The following GSKIP variants were observed in gnomAD, a reference collection of about 807,000 sequenced individuals.
The protein encoded by GSKIP is GSK3B interacting protein.
Under a neutral mutation model 11.9 loss-of-function variants are expected in GSKIP, and 5 were observed. That is an observed-to-expected ratio of 0.42 (90% CI 0.22 to 0.89). The LOEUF (loss-of-function observed/expected upper bound fraction) is 0.89, where lower values mean the gene tolerates loss of function less well. GSKIP is among the 40% of genes least tolerant of loss of function. The pLI, the probability that GSKIP is intolerant of heterozygous loss-of-function variation, is 0.29. For missense variants in GSKIP, 150 were observed against 166.6 expected, an observed-to-expected ratio of 0.90 and a Z score of 0.55; for synonymous variants, 70 against 62.9, an observed-to-expected ratio of 1.11 and a Z score of -0.54.
intron 1 of GSKIP, among the ~76,000 whole-genome samples, chr14:96,370,671 C>T (rs1475557903): frequency 6.6e-6 from 1 of 152,150 alleles, no homozygotes; most frequent in African/African-American, 2.4e-5. Context: ...TCTATCTCCC[C>T]CACCTCCACC....
rs1889488173 is a variant in GSKIP at position 96,386,275 on chromosome 14, A to G, written c.*591A>G. The G allele has an allele frequency of 6.6e-6, 1 of 152,544 alleles. No individual in the cohort carries two copies. Among genetic ancestry groups the G allele is most frequent in the African/African-American group, 2.4e-5 (1 of 41,476 alleles). The allele number at this position is 152,544 out of a possible 1,614,324, so 9.4% of individuals were successfully genotyped here. A position where few individuals can be genotyped will look rare whatever the true frequency, so the allele number is the denominator to read the frequency against. The stretch of plus-strand genomic sequence containing the variant: ...ACTTAACTAGTATTAAATGAAAAAC[A>G]GGGACTGAAATAGTTCTGTATTCCG... On this transcript the variant is annotated 3_prime_UTR_variant, in exon 4 of 4. Coordinates refer to ENST00000555181, the MANE Select transcript of GSKIP (RefSeq NM_016472.5).
intron 1 of GSKIP, chr14:96,364,097 C>T (rs969509545): frequency 1.3e-5 from 2 of 152,334 alleles, no homozygotes; most frequent in Admixed American, 6.5e-5. Context: ...AGGCTCCTGA[C>T]CCCGCCGGAA....
Position 96,382,899 on chromosome 14 carries a change from A to G in GSKIP, c.258+394A>G, listed in dbSNP as rs751234174. ...AATGTCGCTTCTGTTAAAATAACATACTTGACAACACTGTTTTCCAACTCT... is the reference window on the plus strand; with the variant it reads ...AATGTCGCTTCTGTTAAAATAACATGCTTGACAACACTGTTTTCCAACTCT... On this transcript the variant is annotated intron_variant, in intron 3 of 3. Coordinates refer to ENST00000555181, the MANE Select transcript of GSKIP (RefSeq NM_016472.5). 2.0e-5 allele frequency among the ~76,000 whole-genome samples: 3 copies of G among 152,204 alleles called. No individual in the cohort carries two copies. The East Asian group carries it at 5.8e-4, about 29-fold the overall frequency.
At chr14:96,381,770 C>T (rs1381689138) in intron 2 of GSKIP, among the ~76,000 whole-genome samples, 1 of 152,102 alleles carries the variant, frequency 6.6e-6, no homozygotes, top group Non-Finnish European at 1.5e-5. Flanking sequence ...AGTACAGTCC[C>T]TCATATTCTA....
chr14:96,387,115 AACGAAG>A lies in GSKIP; in HGVS notation c.*1432_*1437del, dbSNP rs1889511105. On this transcript the variant is annotated 3_prime_UTR_variant, in exon 4 of 4. Transcript: ENST00000555181. ...TTTATTTTCAGATGCTTAACTGGGC[AACGAAG>A]TCTAACTTCAGGTTGAACTTTCTCA... 6.6e-6 allele frequency: 1 copy of A among 152,238 alleles called. No individual in the cohort carries two copies. Among genetic ancestry groups the A allele is most frequent in the Non-Finnish European group, 1.5e-5 (1 of 68,042 alleles). 9.4% of individuals were successfully genotyped at this position (152,238 alleles called of 1,614,324 possible).
chr14:96,379,322 G>A (rs55838659), intron 1 of GSKIP, among the ~76,000 whole-genome samples: 1 of 152,014 alleles, frequency 6.6e-6, no homozygotes, highest in African/African-American at 2.4e-5. Context: ...AAAGTGACCA[G>A]GAAGAATTTC....
intron 3 of GSKIP, among the ~76,000 whole-genome samples, chr14:96,383,213 C>T (rs560834775): frequency 6.6e-6 from 1 of 152,178 alleles, no homozygotes; most frequent in South Asian, 2.1e-4. Flanking sequence ...AGTTCAAGAC[C>T]AGCCTGGGCA....
chr14:96,382,923 C>G (rs910363205), intron 3 of GSKIP, among the ~76,000 whole-genome samples: 1 of 152,202 alleles, frequency 6.6e-6, no homozygotes, highest in South Asian at 2.1e-4. Flanking sequence ...TTTTCCAACT[C>G]TGAGATCAGA....
intron 1 of GSKIP, among the ~76,000 whole-genome samples, chr14:96,376,474 C>T (rs1163682596): frequency 1.3e-5 from 2 of 152,134 alleles, no homozygotes; most frequent in Non-Finnish European, 2.9e-5. Context: ...CTAACCATTA[C>T]GTCATAGATT....
chr14:96,383,235 C>T (rs1889398200), intron 3 of GSKIP, among the ~76,000 whole-genome samples: 1 of 152,066 alleles, frequency 6.6e-6, no homozygotes, highest in Non-Finnish European at 1.5e-5. Context: ...CATAGCAAGA[C>T]CGTGTTTCTA....
rs34610576 is a variant in GSKIP, at chr14:96,382,228, C to CTTT, written c.-1-7_-1-5dup. ...TTTCTATAAACAAATTTTATAACTG[C>CTTT]TTTTTTTTTTTTTTACAGAATGGAA... On this transcript the variant is annotated intron_variant, in intron 2 of 3. Transcript: ENST00000555181. 4.4e-5 allele frequency: 61 copies of CTTT among 1,375,554 alleles called. No individual in the cohort carries two copies. The highest frequency in any genetic ancestry group is 8.3e-5 in the South Asian group (6 of 72,310). The allele number at this position is 1,375,554 out of a possible 1,614,324, so 85.2% of individuals were successfully genotyped here. A position where few individuals can be genotyped will look rare whatever the true frequency, so the allele number is the denominator to read the frequency against.
Position 96,363,761 on chromosome 14 carries a change from C to T in GSKIP, c.-103+193C>T, listed in dbSNP as rs796206954. ...GGGTCTGGGGGCCGGTCTGGCCGGC[C>T]TGGCTCTCCCGGCTCCCCTCAGACC... On this transcript the variant is annotated intron_variant, in intron 1 of 3. Transcript: ENST00000555181. 24 of 152,456 alleles carry T rather than the reference C, an allele frequency of 1.6e-4. No homozygotes were observed. In the East Asian group the frequency reaches 2.1e-3, roughly 14 times the overall value. 9.4% of individuals were successfully genotyped at this position (152,456 alleles called of 1,614,324 possible).
In GSKIP at chr14:96,382,234, T is replaced by G; in HGVS notation, c.-1-13T>G. On this transcript the variant is annotated splice_polypyrimidine_tract_variant and intron_variant, in intron 2 of 3. Coordinates refer to ENST00000555181, the MANE Select transcript of GSKIP (RefSeq NM_016472.5). Reference sequence around the variant, plus strand: ...TAAACAAATTTTATAACTGCTTTTTTTTTTTTTTACAGAATGGAAACAGAC... The same window carrying G: ...TAAACAAATTTTATAACTGCTTTTTGTTTTTTTTACAGAATGGAAACAGAC... 6.5e-7 allele frequency: 1 copy of G among 1,542,832 alleles called. No homozygotes were observed. The highest frequency in any genetic ancestry group is 8.7e-7 in the Non-Finnish European group (1 of 1,147,846).
chr14:96,374,607 T>G (rs1285182397), intron 1 of GSKIP, among the ~76,000 whole-genome samples: 1 of 152,154 alleles, frequency 6.6e-6, no homozygotes, highest in Non-Finnish European at 1.5e-5. Context: ...GCTCAAGCAG[T>G]TCTTCCACCT....
chr14:96,366,758 A>G (rs1888896423), intron 1 of GSKIP, among the ~76,000 whole-genome samples: 2 of 152,236 alleles, frequency 1.3e-5, no homozygotes, highest in Non-Finnish European at 1.5e-5. Context: ...AAAAAAGAAA[A>G]TAATTACCCA....
chr14:96,378,705 C>T (rs576252044), intron 1 of GSKIP, among the ~76,000 whole-genome samples: 7 of 152,198 alleles, frequency 4.6e-5, no homozygotes, highest in Non-Finnish European at 7.3e-5. Flanking sequence ...CATGATCACC[C>T]GAGCTCCATT....
At chr14:96,368,021 G>A (rs973241206) in intron 1 of GSKIP, among the ~76,000 whole-genome samples, 3 of 151,766 alleles carry the variant, frequency 2.0e-5, no homozygotes, top group Admixed American at 6.6e-5. Flanking sequence ...TTTAAATATA[G>A]TGCCAAGTAA....
intron 1 of GSKIP, among the ~76,000 whole-genome samples, chr14:96,375,441 T>C (rs530301993): frequency 2.0e-5 from 3 of 151,578 alleles, no homozygotes; most frequent in African/African-American, 7.2e-5. Context: ...TCTCTCTTTT[T>C]TTTTTTTTTT....
At position 96,376,470 on chromosome 14, in the gene GSKIP, A is replaced by G. The variant is rs375553697; in HGVS notation, c.-102-3218A>G. Reference sequence around the variant, plus strand: ...TAGTCAAGCCCCATCATAACTAACCATTACGTCATAGATTATAGAATGTCA... The same window carrying G: ...TAGTCAAGCCCCATCATAACTAACCGTTACGTCATAGATTATAGAATGTCA... On this transcript the variant is annotated intron_variant, in intron 1 of 3. Transcript: ENST00000555181. 2.3e-4 allele frequency among the ~76,000 whole-genome samples: 35 copies of G among 152,288 alleles called. No individual in the cohort carries two copies. The East Asian group carries it at 6.6e-3, about 29-fold the overall frequency.
Sources: allele counts gnomAD v4.1 joint callset (sites outside exome capture counted in the v4.1 genomes callset), GRCh38; gene constraint gnomAD v4.1.1; transcripts MANE v1.5; gene names NCBI Gene and HGNC (gene_info 2026-07-23, HGNC 2026-07-21).